MACF1: variants seen among roughly 807,000 people sequenced by gnomAD.
MACF1 encodes microtubule-actin cross-linking factor 1.
MACF1 carries 193 observed loss-of-function variants against 854.8 expected under a neutral mutation model. The ratio of observed to expected loss-of-function variants is 0.23; its 90% CI spans 0.20 to 0.25. The LOEUF is 0.25. MACF1 is among the 10% of genes least tolerant of loss of function. The pLI is 1.00. For missense variants in MACF1, 7,722 were observed against 8,929.1 expected (o/e 0.86, Z 5.45); for synonymous variants, 3,185 against 3,226.7 (o/e 0.99, Z 0.44).
Position 39,480,094 on chromosome 1 carries a change from C to T in MACF1, c.22170+85C>T, listed in dbSNP as rs1644986586. 13 of 1,247,678 alleles carry T rather than the reference C, an allele frequency of 1.0e-5. No individual in the cohort carries two copies. In the East Asian group the frequency reaches 1.9e-4, roughly 18 times the overall value. 77.3% of individuals were successfully genotyped at this position (1,247,678 alleles called of 1,614,324 possible). A position where few individuals can be genotyped will look rare whatever the true frequency, so the allele number is the denominator to read the frequency against. ...GTTCACGGTAGCCTCTGAAAGACTC[C>T]AGTGAGGAGAAGAAATAAAAATGAA... is the stretch of plus-strand genomic sequence containing the variant. On this transcript the variant is annotated intron_variant, in intron 98 of 100. Coordinates refer to ENST00000564288, the MANE Select transcript of MACF1 (RefSeq NM_001394062.1).
At position 39,317,354 on chromosome 1, in the gene MACF1, A is replaced by T. The variant is rs2148446815; in HGVS notation, c.3729A>T (p.Lys1243Asn). The change falls in exon 29 of 101, where the codon AAA (lysine) becomes AAT (asparagine). Residue 1243 changes from lysine to asparagine, a missense_variant. Transcript: ENST00000564288. ...TGGATTTGGAGCGCTATCAGGAAAA[A>T]GGCTCCCAGCTGCAGGAGCGTTGGC... ...RNLDLERYQE[K>N]GSQLQERWHR... 1.9e-6 allele frequency: 3 copies of T among 1,613,638 alleles called. No homozygotes were observed. In the East Asian group the frequency reaches 6.7e-5, roughly 36 times the overall value.
At chr1:39,374,773 A>G (rs1468138098) in intron 52 of MACF1, among the ~76,000 whole-genome samples, 1 of 152,172 alleles carries the variant, frequency 6.6e-6, no homozygotes, top group Non-Finnish European at 1.5e-5. Flanking sequence ...GAAATCTCAT[A>G]TAGAACAGAA....
chr1:39,434,329 T>G (rs1185248442), intron 68 of MACF1, 85 bp from the exon 69 acceptor site: 2 of 595,282 alleles, frequency 3.4e-6, no homozygotes, highest in East Asian at 5.7e-5. Flanking sequence ...CTTTTAGACT[T>G]TTTAATGTAT....
Position 39,422,234 on chromosome 1 carries a change from C to T in MACF1, c.15817-140C>T, listed in dbSNP as rs908901140. On this transcript the variant is annotated intron_variant, in intron 58 of 100. Transcript: ENST00000564288. ...AACCACATGTTTTCTTGATGCTTCACGTGCAAATGCTTGTTCTTTCTTTTT... is the reference window on the plus strand; with the variant it reads ...AACCACATGTTTTCTTGATGCTTCATGTGCAAATGCTTGTTCTTTCTTTTT... 8 of 599,722 alleles carry T rather than the reference C, an allele frequency of 1.3e-5. No homozygotes were observed. The East Asian group carries it at 1.7e-4, about 13-fold the overall frequency. 37.2% of individuals were successfully genotyped at this position (599,722 alleles called of 1,614,324 possible). A position where few individuals can be genotyped will look rare whatever the true frequency, so the allele number is the denominator to read the frequency against.
In MACF1 at chr1:39,387,564, T is replaced by TA; in HGVS notation, c.14723dup (p.Tyr4908Ter). The TA allele has an allele frequency of 6.2e-7, 1 of 1,614,070 alleles. No homozygotes were observed. Residue 4908 changes from tyrosine (Y) to a stop codon, truncating the protein, a stop_gained and frameshift_variant, in exon 58 of 101, where the codon TAT (tyrosine) becomes TAAT (stop). Coordinates refer to ENST00000564288, the MANE Select transcript of MACF1 (RefSeq NM_001394062.1). LOFTEE classifies it high-confidence loss of function. ...LKDCMQKAQK[Y>*]QWHVEDLVPW... The stretch of plus-strand genomic sequence containing the variant: ...GGATTGTATGCAGAAAGCTCAGAAA[T>TA]ATCAGTGGCATGTGGAAGACCTTGT...
rs1436370989 is a variant in MACF1, at chr1:39,297,867, T to C, written c.2481+122T>C. On this transcript the variant is annotated intron_variant, in intron 21 of 100. Transcript: ENST00000564288. ...GCCATTGTTGTAATAAAGTTTGGCT[T>C]ACATTCAAATAGAGTTTAATCGATG... 2.6e-6 allele frequency: 3 copies of C among 1,144,052 alleles called. No homozygotes were observed. The East Asian group carries it at 7.4e-5, about 28-fold the overall frequency. 70.9% of individuals were successfully genotyped at this position (1,144,052 alleles called of 1,614,324 possible).
chr1:39,439,519 CCTTTTTCTTAGGTGTCTGTCCT>C lies in MACF1; in HGVS notation c.18447+22_18447+43del. 1 of 1,595,582 alleles carries C rather than the reference CCTTTTTCTTAGGTGTCTGTCCT, an allele frequency of 6.3e-7. No homozygotes were observed. The highest frequency in any genetic ancestry group is 8.6e-7 in the Non-Finnish European group (1 of 1,164,402). On this transcript the variant is annotated intron_variant, in intron 72 of 100. Transcript: ENST00000564288. ...TGCTGAGGTAAGAAGGAAACAAAAC[CCTTTTTCTTAGGTGTCTGTCCT>C]CTAGAAAAAGCACTTTATCAAATCA...
chr1:39,377,952 C>T (rs780284201), intron 52 of MACF1, among the ~76,000 whole-genome samples: 5 of 151,400 alleles, frequency 3.3e-5, no homozygotes, highest in Non-Finnish European at 4.4e-5. Context: ...TGCAGTGAGC[C>T]GAGATCATGC....
chr1:39,443,890 A>G (rs1188753164), intron 79 of MACF1, among the ~76,000 whole-genome samples: 1 of 152,200 alleles, frequency 6.6e-6, no homozygotes, highest in Non-Finnish European at 1.5e-5. Context: ...GAAGGAAACT[A>G]CTTAAGGGGG....
intron 97 of MACF1, among the ~76,000 whole-genome samples, chr1:39,476,412 T>C (rs1644883352): frequency 1.3e-5 from 2 of 151,872 alleles, no homozygotes; most frequent in Non-Finnish European, 2.9e-5. Context: ...CTACTAAAAA[T>C]ACGAAAAATT....
At position 39,486,064 on chromosome 1, in the gene MACF1, G is replaced by A. The variant is rs1306010167; in HGVS notation, c.*270G>A. On this transcript the variant is annotated 3_prime_UTR_variant, in exon 101 of 101. Transcript: ENST00000564288. ...CAAGTGAAAAGGTCAAGATACAAAT[G>A]TGTATTAAAAAAAAAAAAGCCTATT... is the stretch of plus-strand genomic sequence containing the variant. 1.4e-5 allele frequency: 4 copies of A among 280,674 alleles called. No homozygotes were observed. In the East Asian group the frequency reaches 2.6e-4, roughly 18 times the overall value. 17.4% of individuals were successfully genotyped at this position (280,674 alleles called of 1,614,324 possible). A position where few individuals can be genotyped will look rare whatever the true frequency, so the allele number is the denominator to read the frequency against.
chr1:39,475,552 A>G (rs1392791708), intron 97 of MACF1, among the ~76,000 whole-genome samples: 1 of 151,914 alleles, frequency 6.6e-6, no homozygotes, highest in Admixed American at 6.6e-5. Flanking sequence ...CAAGGAGACC[A>G]GTAGGAAGGC....
At chr1:39,292,709 C>A in intron 16 of MACF1, 57 bp from the exon 17 acceptor site, 1 of 1,228,808 alleles carries the variant, frequency 8.1e-7, no homozygotes, top group Non-Finnish European at 1.2e-6. Flanking sequence ...GCAACCATAA[C>A]ACGTAGTTTA....
intron 35 of MACF1, among the ~76,000 whole-genome samples, chr1:39,326,697 AAAAAG>A (rs1287517092): frequency 6.0e-5 from 9 of 149,218 alleles, no homozygotes; most frequent in Non-Finnish European, 1.2e-4. Flanking sequence ...AAAAAAAAAA[AAAAAG>A]AGAGAAGAAA....
chr1:39,175,306 A>G (rs773129133), intron 2 of MACF1, among the ~76,000 whole-genome samples: 4 of 152,230 alleles, frequency 2.6e-5, no homozygotes, highest in South Asian at 4.1e-4. Flanking sequence ...ACAAAGTTGG[A>G]ATACCATATG....
chr1:39,148,813 G>A (rs1330385170), intron 2 of MACF1, among the ~76,000 whole-genome samples: 1 of 152,166 alleles, frequency 6.6e-6, no homozygotes, highest in African/African-American at 2.4e-5. Flanking sequence ...TCCTAAGAAT[G>A]GAATTGCTGA....
intron 2 of MACF1, among the ~76,000 whole-genome samples, chr1:39,196,085 C>T (rs1056464934): frequency 1.3e-5 from 2 of 152,180 alleles, no homozygotes; most frequent in Admixed American, 1.3e-4. Flanking sequence ...CTTACTACAA[C>T]TCTGAGACAG....
intron 74 of MACF1, 108 bp downstream of exon 74, chr1:39,441,433 A>C: frequency 1.2e-6 from 1 of 830,330 alleles, no homozygotes; most frequent in Non-Finnish European, 1.9e-6. Flanking sequence ...AGGACTGCAG[A>C]CCTAAGATAG....
chr1:39,143,715 G>A (rs1643398120), intron 2 of MACF1, among the ~76,000 whole-genome samples: 1 of 152,174 alleles, frequency 6.6e-6, no homozygotes, highest in Non-Finnish European at 1.5e-5. Context: ...TCCTACATTG[G>A]CTAGTTTCAA....
Sources: allele counts gnomAD v4.1 joint callset (sites outside exome capture counted in the v4.1 genomes callset), GRCh38; gene constraint gnomAD v4.1.1; transcripts MANE v1.5; gene names NCBI Gene and HGNC (gene_info 2026-07-23, HGNC 2026-07-21).